PLD1: variants seen among roughly 807,000 people sequenced by gnomAD.
PLD1 encodes the protein choline phosphatase 1.
In PLD1, 112 loss-of-function variants were observed where a neutral mutation model predicts 137.1. The ratio of observed to expected loss-of-function variants is 0.82; its 90% CI spans 0.70 to 0.96. PLD1 has a LOEUF of 0.96. Ranked by LOEUF, PLD1 falls within the 40% of genes least tolerant of loss-of-function variation. The pLI is 0.00. For missense variants in PLD1, 1,321 were observed against 1,342.0 expected (o/e 0.98, Z 0.24); for synonymous variants, 431 against 454.7 (o/e 0.95, Z 0.66).
chr3:171,642,601 A>G (rs1240144140), intron 23 of PLD1, among the ~76,000 whole-genome samples: 2 of 151,994 alleles, frequency 1.3e-5, no homozygotes, highest in Non-Finnish European at 2.9e-5. Flanking sequence ...ATATATAAAT[A>G]AAAATAAATA....
chr3:171,663,987 A>G (rs1711821693), intron 19 of PLD1, among the ~76,000 whole-genome samples: 1 of 152,148 alleles, frequency 6.6e-6, no homozygotes, highest in African/African-American at 2.4e-5. Context: ...CAAAACTCAC[A>G]CTTACTAAAA....
intron 5 of PLD1, among the ~76,000 whole-genome samples, chr3:171,734,646 G>C (rs4894760): frequency 6.6e-6 from 1 of 151,806 alleles, no homozygotes; most frequent in Non-Finnish European, 1.5e-5. Context: ...TAATGTCAAG[G>C]CCTAACCAAG....
At chr3:171,729,993 T>A (rs1191011850) in intron 6 of PLD1, among the ~76,000 whole-genome samples, 2 of 152,186 alleles carry the variant, frequency 1.3e-5, no homozygotes, top group East Asian at 3.9e-4. Context: ...AGAGATACGA[T>A]CCTATCACCT....
chr3:171,773,471 G>C (rs994198420), intron 1 of PLD1, among the ~76,000 whole-genome samples: 2 of 151,990 alleles, frequency 1.3e-5, no homozygotes, highest in Admixed American at 1.3e-4. Flanking sequence ...GCGTGGAGTA[G>C]TGCACCTATA....
chr3:171,734,515 G>A (rs1162174232), intron 5 of PLD1, among the ~76,000 whole-genome samples: 6 of 152,082 alleles, frequency 3.9e-5, no homozygotes, highest in Admixed American at 6.5e-5. Flanking sequence ...TTACAAACAC[G>A]GAAACTTATG....
chr3:171,744,200 C>A (rs1010816034), intron 1 of PLD1, among the ~76,000 whole-genome samples: 1 of 152,162 alleles, frequency 6.6e-6, no homozygotes, highest in African/African-American at 2.4e-5. Flanking sequence ...TGTCATCATT[C>A]CCACTTTGCA....
chr3:171,752,550 G>T (rs1357603350), intron 1 of PLD1, among the ~76,000 whole-genome samples: 1 of 152,168 alleles, frequency 6.6e-6, no homozygotes, highest in African/African-American at 2.4e-5. Flanking sequence ...ACATTAATCT[G>T]TGATCACAGC....
intron 1 of PLD1, among the ~76,000 whole-genome samples, chr3:171,755,089 A>G (rs947509678): frequency 6.6e-6 from 1 of 152,040 alleles, no homozygotes; most frequent in African/African-American, 2.4e-5. Flanking sequence ...GAGAAATTCA[A>G]TCCTGGGCCA....
At chr3:171,611,779 G>A (rs988410483) in intron 25 of PLD1, 1 of 381,012 alleles carries the variant, frequency 2.6e-6, no homozygotes, top group Admixed American at 3.3e-5. Flanking sequence ...ACCTGGTCTA[G>A]TCCTAATTCA....
intron 24 of PLD1, among the ~76,000 whole-genome samples, chr3:171,619,900 A>T (rs1397697589): frequency 6.6e-6 from 1 of 151,834 alleles, no homozygotes; most frequent in Non-Finnish European, 1.5e-5. Flanking sequence ...CGAGACCCCC[A>T]TCTCAAAAAT....
At chr3:171,734,625 C>G (rs1719209141) in intron 5 of PLD1, among the ~76,000 whole-genome samples, 1 of 152,054 alleles carries the variant, frequency 6.6e-6, no homozygotes, top group South Asian at 2.1e-4. Flanking sequence ...GCAGGGAGAA[C>G]AGCTTCTTCA....
chr3:171,638,331 C>T (rs574715970), intron 23 of PLD1, among the ~76,000 whole-genome samples: 3 of 152,056 alleles, frequency 2.0e-5, no homozygotes, highest in African/African-American at 7.2e-5. Context: ...CGCACTTAGG[C>T]TACATTAAAT....
chr3:171,780,502 T>A (rs1435209130), intron 1 of PLD1, among the ~76,000 whole-genome samples: 1 of 151,356 alleles, frequency 6.6e-6, no homozygotes, highest in African/African-American at 2.4e-5. Flanking sequence ...CTCCAACATT[T>A]AAATACCAGG....
At chr3:171,606,627 A>G (rs1732227071) in intron 25 of PLD1, among the ~76,000 whole-genome samples, 2 of 152,108 alleles carry the variant, frequency 1.3e-5, no homozygotes, top group Non-Finnish European at 2.9e-5. Flanking sequence ...TCCAATTCAG[A>G]TAAGAATTGA....
At chr3:171,776,683 T>A (rs1169757877) in intron 1 of PLD1, among the ~76,000 whole-genome samples, 1 of 152,208 alleles carries the variant, frequency 6.6e-6, no homozygotes, top group Admixed American at 6.5e-5. Flanking sequence ...CCCTTCCCTA[T>A]TCTGTAACAT....
chr3:171,645,346 G>A (rs1028619672), intron 21 of PLD1, among the ~76,000 whole-genome samples: 2 of 152,138 alleles, frequency 1.3e-5, no homozygotes, highest in African/African-American at 4.8e-5. Flanking sequence ...GGAAAGAGGC[G>A]GGTAGGGGAG....
Position 171,738,025 on chromosome 3 carries a change from T to C in PLD1, c.27A>G (p.Val9=), listed in dbSNP as rs1242638073. Residue 9 remains valine (V), a synonymous_variant, in exon 2 of 27, where the codon GTA becomes GTG. Coordinates refer to ENST00000351298, the MANE Select transcript of PLD1 (RefSeq NM_002662.5). MSLKNEPR[V]NTSALQKIAA... ...CAATTTTCTGCAGTGCAGAGGTATT[T>C]ACCCGTGGCTCGTTTTTCAGTGACA... 6.2e-7 allele frequency: 1 copy of C among 1,613,346 alleles called. No individual in the cohort carries two copies. Among genetic ancestry groups the C allele is most frequent in the East Asian group, 2.2e-5 (1 of 44,890 alleles).
At chr3:171,639,024 C>T (rs1735405444) in intron 23 of PLD1, among the ~76,000 whole-genome samples, 1 of 151,830 alleles carries the variant, frequency 6.6e-6, no homozygotes, top group Non-Finnish European at 1.5e-5. Flanking sequence ...GATTCTGAGG[C>T]CTTCAGACTT....
chr3:171,721,007 T>C (rs369860264), intron 8 of PLD1, among the ~76,000 whole-genome samples: 176 of 152,288 alleles, frequency 1.2e-3, no homozygotes, highest in African/African-American at 4.2e-3. Context: ...TTTAAAGCTC[T>C]CATCGCTACC....
Sources: gnomAD v4.1 joint callset for allele counts (sites outside exome capture counted in the v4.1 genomes callset) on GRCh38, gnomAD v4.1.1 for gene constraint, MANE v1.5 for transcripts, NCBI Gene and HGNC (gene_info 2026-07-23, HGNC 2026-07-21) for gene names.